PSMC2: variants seen among roughly 807,000 people sequenced by gnomAD.
The protein encoded by PSMC2 is proteasome 26S subunit, ATPase 2.
Under a neutral mutation model 53.3 loss-of-function variants are expected in PSMC2, and 7 were observed. The observed-to-expected ratio is 0.13, with a 90% CI of 0.07 to 0.25. The LOEUF (loss-of-function observed/expected upper bound fraction) is 0.25, where lower values mean the gene tolerates loss of function less well. Ranked by LOEUF, PSMC2 falls within the 10% of genes least tolerant of loss-of-function variation. PSMC2 has a pLI of 1.00. For synonymous variants in PSMC2, 169 were observed against 183.9 expected (o/e 0.92, Z 0.66); for missense variants, 241 against 544.0 (o/e 0.44, Z 5.54).
rs35936603 is a variant in PSMC2, at chr7:103,359,138, C to CTTTTTTTTTTTTTTT, written c.291-2801_291-2787dup. On this transcript the variant is annotated intron_variant, in intron 4 of 11. Coordinates refer to ENST00000292644, the MANE Select transcript of PSMC2 (RefSeq NM_002803.4). ...CAGGTGCATACCACCCCATGTCTGG[C>CTTTTTTTTTTTTTTT]TTTTTTTTTTTTTTTTTTTTTTTTT... is the stretch of plus-strand genomic sequence containing the variant. 4.8e-4 allele frequency among the ~76,000 whole-genome samples: 15 copies of CTTTTTTTTTTTTTTT among 31,332 alleles called. 1 individual carries two copies. The highest frequency in any genetic ancestry group is 6.3e-4 in the Non-Finnish European group (11 of 17,498). 20.6% of individuals were successfully genotyped at this position (31,332 alleles called of 152,430 possible).
At position 103,355,003 on chromosome 7, in the gene PSMC2, A is replaced by T. The variant is rs181931494; in HGVS notation, c.190+54A>T. ...CCTTTAAATGTAATGTGTGAATAATATCAAGAGTTTAAATACAGATTTTAC... is the reference window on the plus strand; with the variant it reads ...CCTTTAAATGTAATGTGTGAATAATTTCAAGAGTTTAAATACAGATTTTAC... On this transcript the variant is annotated intron_variant, in intron 3 of 11. Coordinates refer to ENST00000292644, the MANE Select transcript of PSMC2 (RefSeq NM_002803.4). 119 of 1,166,166 alleles carry T rather than the reference A, an allele frequency of 1.0e-4. No homozygotes were observed. In the African/African-American group the frequency reaches 1.6e-3, roughly 16 times the overall value. The allele number at this position is 1,166,166 out of a possible 1,614,324, so 72.2% of individuals were successfully genotyped here. A position where few individuals can be genotyped will look rare whatever the true frequency, so the allele number is the denominator to read the frequency against.
At chr7:103,356,272 G>A (rs561843031) in intron 4 of PSMC2, among the ~76,000 whole-genome samples, 11 of 151,394 alleles carry the variant, frequency 7.3e-5, no homozygotes, top group African/African-American at 2.4e-4. Flanking sequence ...ATGTGTAGAT[G>A]TTAGGCTGTA....
chr7:103,356,824 G>C (rs575600010), intron 4 of PSMC2, among the ~76,000 whole-genome samples: 8 of 152,124 alleles, frequency 5.3e-5, no homozygotes, highest in Non-Finnish European at 8.8e-5. Context: ...TGTTAATGTT[G>C]CTTAGAAAAA....
rs1446512014 is a variant in PSMC2, at chr7:103,362,050, G to A, written c.384G>A (p.Gln128=). ...AGTTTGTGGTGGACCTTAGTGATCA[G>A]GTGGCACCTACTGACATTGAAGAAG... ...FAKFVVDLSD[Q]VAPTDIEEGM... is the part of the protein sequence containing the mutation. The change falls in exon 5 of 12, where the codon CAG becomes CAA. Residue 128 remains glutamine (Q), a synonymous_variant. Coordinates refer to ENST00000292644, the MANE Select transcript of PSMC2 (RefSeq NM_002803.4). The A allele has an allele frequency of 1.2e-6, 2 of 1,613,478 alleles. No individual in the cohort carries two copies. Among genetic ancestry groups the A allele is most frequent in the Non-Finnish European group, 1.7e-6 (2 of 1,179,828 alleles).
At chr7:103,362,153 T>G in intron 5 of PSMC2, 65 bp downstream of exon 5, 1 of 1,599,578 alleles carries the variant, frequency 6.3e-7, no homozygotes, top group South Asian at 1.1e-5. Context: ...ATTCATATCC[T>G]TGGCTTTGTA....
Position 103,368,766 on chromosome 7 carries a change from A to T in PSMC2, c.*712A>T, listed in dbSNP as rs979183759. The T allele has an allele frequency of 6.6e-6, 1 of 152,166 alleles. No homozygotes were observed. Among genetic ancestry groups the T allele is most frequent in the Non-Finnish European group, 1.5e-5 (1 of 68,008 alleles). 9.4% of individuals were successfully genotyped at this position (152,166 alleles called of 1,614,324 possible). On this transcript the variant is annotated 3_prime_UTR_variant, in exon 12 of 12. Transcript: ENST00000292644. ...GACTAGTAAAAAAAGAAAAAAAAAT[A>T]TTTGTACATATGATCTAATTTAGAA... is the stretch of plus-strand genomic sequence containing the variant.
At chr7:103,347,590 G>A, upstream of PSMC2, 2 of 1,125,364 alleles carry the variant, frequency 1.8e-6, no homozygotes, top group Non-Finnish European at 1.3e-6. Context: ...CTGAAGCACT[G>A]CATAAAGGGG....
At chr7:103,354,036 T>G in intron 2 of PSMC2, 78 bp downstream of exon 2, 1 of 1,147,552 alleles carries the variant, frequency 8.7e-7, no homozygotes, top group Non-Finnish European at 1.2e-6. Context: ...CCTTCCAAAA[T>G]AATTAGAAGA....
chr7:103,354,636 C>T (rs1819930463), intron 2 of PSMC2, among the ~76,000 whole-genome samples: 1 of 152,066 alleles, frequency 6.6e-6, no homozygotes. Flanking sequence ...CCCTAAAGTG[C>T]AGGGATTATA....
Position 103,347,719 on chromosome 7 carries a change from A to T in PSMC2, c.8A>T (p.Asp3Val). Residue 3 changes from aspartate (D) to valine (V), a missense_variant, in exon 1 of 12, where the codon GAT (aspartate) becomes GTT (valine). Physicochemically the swap from Asp to Val is radical, Grantham distance 152 (BLOSUM62 -3). Coordinates refer to ENST00000292644, the MANE Select transcript of PSMC2 (RefSeq NM_002803.4). MP[D>V]YLGADQRKTK... ...GCTTTTGGAGCTGCTAAAATGCCGG[A>T]TTACCTCGGTGCCGATCAGCGGAAG... 1 of 1,613,960 alleles carries T rather than the reference A, an allele frequency of 6.2e-7. No individual in the cohort carries two copies. The highest frequency in any genetic ancestry group is 8.5e-7 in the Non-Finnish European group (1 of 1,179,880).
chr7:103,359,922 T>C (rs983020401), intron 4 of PSMC2, among the ~76,000 whole-genome samples: 3 of 151,856 alleles, frequency 2.0e-5, no homozygotes, highest in Non-Finnish European at 4.4e-5. Context: ...CTACTAAAAA[T>C]ATAAAAATAT....
At chr7:103,362,801 T>TC (rs755351526) in intron 6 of PSMC2, 43 bp downstream of exon 6, 2 of 1,435,616 alleles carry the variant, frequency 1.4e-6, no homozygotes, top group East Asian at 2.3e-5. Context: ...TGTCTTTTTT[T>TC]TTTTTTTTTT....
At position 103,365,653 on chromosome 7, in the gene PSMC2, C is replaced by T. The variant is rs566655417; in HGVS notation, c.757-423C>T. ...TCAAAAAATAAAATTAAAATAGCTG[C>T]GCGCAGTGGCTCACGTCTGTAATCC... On this transcript the variant is annotated intron_variant, in intron 8 of 11. Transcript: ENST00000292644. 1.6e-4 allele frequency among the ~76,000 whole-genome samples: 24 copies of T among 151,376 alleles called. No homozygotes were observed. The South Asian group carries it at 3.8e-3, about 24-fold the overall frequency.
chr7:103,347,606 C>G (rs1258148214), upstream of PSMC2: 1 of 1,360,760 alleles, frequency 7.3e-7, no homozygotes, highest in Non-Finnish European at 1.0e-6. Context: ...AGGGGTCTGT[C>G]TGAGCCCAAT....
At chr7:103,357,229 G>T (rs9718373) in intron 4 of PSMC2, among the ~76,000 whole-genome samples, 8,915 of 151,868 alleles carry the variant, frequency 0.059, 463 homozygotes, top group East Asian at 0.27. Flanking sequence ...GAGAGGCTGA[G>T]GCAGGAGAAT....
In PSMC2 at chr7:103,355,688, A is replaced by C; in HGVS notation, c.191-6A>C. On this transcript the variant is annotated splice_region_variant and splice_polypyrimidine_tract_variant and intron_variant, in intron 3 of 11. Transcript: ENST00000292644. ...TTAGTAAATTTTGTCATCTTTCTCT[A>C]TGTAGGTATTAAAGAATCTGACACT... 1 of 1,607,642 alleles carries C rather than the reference A, an allele frequency of 6.2e-7. No individual in the cohort carries two copies.
intron 4 of PSMC2, among the ~76,000 whole-genome samples, chr7:103,360,217 C>T (rs1176748680): frequency 4.6e-5 from 7 of 151,954 alleles, no homozygotes; most frequent in Admixed American, 1.3e-4. Flanking sequence ...TAATGTTTTG[C>T]ATCTCATAAC....
At position 103,369,242 on chromosome 7, in the gene PSMC2, T is replaced by C. The variant is rs1309959962; in HGVS notation, c.*1188T>C. On this transcript the variant is annotated 3_prime_UTR_variant, in exon 12 of 12. Coordinates refer to ENST00000292644, the MANE Select transcript of PSMC2 (RefSeq NM_002803.4). ...TTTTTATGAACTTGATCAGAAAAATTCATCTTTTTTAACCCTGCCCTAATT... is the reference window on the plus strand; with the variant it reads ...TTTTTATGAACTTGATCAGAAAAATCCATCTTTTTTAACCCTGCCCTAATT... 6.6e-6 allele frequency: 1 copy of C among 152,196 alleles called. No individual in the cohort carries two copies. Among genetic ancestry groups the C allele is most frequent in the African/African-American group, 2.4e-5 (1 of 41,446 alleles). The allele number at this position is 152,196 out of a possible 1,614,324, so 9.4% of individuals were successfully genotyped here.
rs142989213 is a variant in PSMC2, at chr7:103,361,665, A to G, written c.291-292A>G. 2.0e-3 allele frequency among the ~76,000 whole-genome samples: 306 copies of G among 152,326 alleles called. 3 individuals carry two copies. Among genetic ancestry groups the G allele is most frequent in the African/African-American group, 7.2e-3 (299 of 41,576 alleles). ...AGAGCAACTTAAGATATACAGGAGC[A>G]TCACTAATAATAAAGGAATACAAAC... On this transcript the variant is annotated intron_variant, in intron 4 of 11. Transcript: ENST00000292644.
Sources: gnomAD v4.1 joint callset for allele counts (sites outside exome capture counted in the v4.1 genomes callset) on GRCh38, gnomAD v4.1.1 for gene constraint, MANE v1.5 for transcripts, NCBI Gene and HGNC (gene_info 2026-07-23, HGNC 2026-07-21) for gene names.